Variants in IGLON5 observed in about 807,000 individuals in gnomAD.
IGLON5 encodes the protein IgLON family member 5.
In IGLON5, 16 loss-of-function variants were observed where a neutral mutation model predicts 38.2. The observed-to-expected ratio is 0.42, with a 90% CI of 0.28 to 0.64. The LOEUF (loss-of-function observed/expected upper bound fraction) is 0.64. Ranked by LOEUF, IGLON5 falls within the 30% of genes least tolerant of loss-of-function variation. The pLI is 0.23. For missense variants in IGLON5, 366 were observed against 483.4 expected, an observed-to-expected ratio of 0.76 and a Z score of 2.28; for synonymous variants, 207 against 216.4, an observed-to-expected ratio of 0.96 and a Z score of 0.38.
rs535358593 is a variant in IGLON5 at position 51,314,772 on chromosome 19, T to C, written c.79+2846T>C. 7.9e-5 allele frequency among the ~76,000 whole-genome samples: 12 copies of C among 152,332 alleles called. No homozygotes were observed. The East Asian group carries it at 2.1e-3, about 27-fold the overall frequency. On this transcript the variant is annotated intron_variant, in intron 1 of 7. Transcript: ENST00000270642. ...TTCTCTCTTCTTTTATTCATGATCT[T>C]GTCCAAGTTACAAGAGGAATACACT...
chr19:51,323,919 T>C (rs894468376), intron 3 of IGLON5, 25 bp downstream of exon 3: 1 of 1,548,936 alleles, frequency 6.5e-7, no homozygotes, highest in South Asian at 1.1e-5. Flanking sequence ...GGGGCCTGGC[T>C]GGGTGGAGGG....
chr19:51,324,718 A>G lies in IGLON5; in HGVS notation c.392-628A>G, dbSNP rs1035599196. Among the ~76,000 whole-genome samples, 1 of 151,848 alleles carries G rather than the reference A, an allele frequency of 6.6e-6. No homozygotes were observed. Among genetic ancestry groups the G allele is most frequent in the South Asian group, 2.1e-4 (1 of 4,826 alleles). ...TTATTTTATGCCCTACTAGAAAAGA[A>G]AAAACAAAAACACTGCCAGCGATAC... is the stretch of plus-strand genomic sequence containing the variant. On this transcript the variant is annotated intron_variant, in intron 3 of 7. Coordinates refer to ENST00000270642, the MANE Select transcript of IGLON5 (RefSeq NM_001101372.3). The surrounding 1 kb of genome is among the most constrained non-coding windows in gnomAD (Gnocchi z 4.2).
chr19:51,313,695 C>CTTTCTT lies in IGLON5; in HGVS notation c.79+1771_79+1772insTCTTTT, dbSNP rs57541204. On this transcript the variant is annotated intron_variant, in intron 1 of 7. Coordinates refer to ENST00000270642, the MANE Select transcript of IGLON5 (RefSeq NM_001101372.3). ...TCTTTCTTTCTTTCTTTCTTTCTTT[C>CTTTCTT]TTCTTTCTTCTCTTTTTTTCTTTCT... Among the ~76,000 whole-genome samples the CTTTCTT allele has an allele frequency of 3.3e-4, 17 of 51,226 alleles. 2 individuals are homozygous for CTTTCTT. Among genetic ancestry groups the CTTTCTT allele is most frequent in the African/African-American group, 8.7e-4 (17 of 19,622 alleles). The allele number at this position is 51,226 out of a possible 152,430, so 33.6% of individuals were successfully genotyped here.
At position 51,328,703 on chromosome 19, in the gene IGLON5, C is replaced by A. The variant is rs757324247; in HGVS notation, c.955C>A (p.Pro319Thr). 10 of 1,597,070 alleles carry A rather than the reference C, an allele frequency of 6.3e-6. No homozygotes were observed. The highest frequency in any genetic ancestry group is 5.1e-6 in the Non-Finnish European group (6 of 1,171,922). ...PGSLENSAPR[P>T]PGLLALLSAL... ...ATCCCTGGAGAACTCAGCCCCGAGG[C>A]CCCCAGGGCTCCTGGCCCTCCTCTC... Residue 319 changes from proline (P) to threonine (T), a missense_variant, in exon 8 of 8, where the codon CCC (proline) becomes ACC (threonine). Physicochemically the swap from Pro to Thr is conservative, Grantham distance 38. Coordinates refer to ENST00000270642, the MANE Select transcript of IGLON5 (RefSeq NM_001101372.3).
intron 1 of IGLON5, among the ~76,000 whole-genome samples, chr19:51,315,797 A>G (rs1030431829): frequency 4.9e-5 from 7 of 144,198 alleles, no homozygotes; most frequent in South Asian, 2.2e-4. Context: ...CTGGGTTCAC[A>G]CCATTCTCCT....
chr19:51,327,005 G>A lies in IGLON5; in HGVS notation c.647-75G>A, dbSNP rs575577050. The A allele has an allele frequency of 3.1e-6, 5 of 1,593,626 alleles. No individual in the cohort carries two copies. In the South Asian group the frequency reaches 5.6e-5, roughly 18 times the overall value. ...GGGGGCGAGACTTACGGGCCTGAGG[G>A]AGGCGGGGGCTGGGGGCGGGACCCC... On this transcript the variant is annotated intron_variant, in intron 5 of 7. Transcript: ENST00000270642. This position sits in a 1 kb window ranked among gnomAD's most constrained non-coding sequence, Gnocchi z 7.1.
intron 1 of IGLON5, among the ~76,000 whole-genome samples, chr19:51,318,546 T>C (rs1034590239): frequency 2.0e-5 from 3 of 151,468 alleles, no homozygotes; most frequent in Non-Finnish European, 1.5e-5. Context: ...GAAACCAGCC[T>C]GGGCAACATG....
chr19:51,314,652 CAGA>C (rs1401816380), intron 1 of IGLON5, among the ~76,000 whole-genome samples: 3 of 152,094 alleles, frequency 2.0e-5, no homozygotes, highest in Non-Finnish European at 4.4e-5. Flanking sequence ...GGGGTTGAGA[CAGA>C]ACGAGATGCC....
In IGLON5 at chr19:51,326,875, G is replaced by T. The variant is rs751474350; in HGVS notation, c.623G>T (p.Arg208Leu). 2.6e-6 allele frequency: 4 copies of T among 1,565,032 alleles called. No homozygotes were observed. Among genetic ancestry groups the T allele is most frequent in the Non-Finnish European group, 3.5e-6 (4 of 1,154,864 alleles). The change falls in exon 5 of 8, where the codon CGC (arginine) becomes CTC (leucine). Residue 208 changes from arginine to leucine, a missense_variant. By Grantham distance (102) the Arg-to-Leu change is moderately radical. Transcript: ENST00000270642. ...GGGGTTAACTCGGCGCCCGACAGCC[G>T]CCGCGTGCTGGTCACAGTCAACTGT... is the stretch of plus-strand genomic sequence containing the variant. ...HNGVNSAPDS[R>L]RVLVTVNYPP...
chr19:51,313,936 C>T (rs565700428), intron 1 of IGLON5, among the ~76,000 whole-genome samples: 1 of 151,900 alleles, frequency 6.6e-6, no homozygotes, highest in South Asian at 2.1e-4. Flanking sequence ...CTATATTGCC[C>T]AGACTAGTCT....
In IGLON5 at chr19:51,327,746, C is replaced by T. The variant is rs1242459614; in HGVS notation, c.782C>T (p.Thr261Met). ...ATCCCTGGCAGGCTGAGCAGCGGCA[C>T]GGCCGAAGGCCTGAAGGTGCAGACG... ...YKDDRLLSSG[T>M]AEGLKVQTER... The change falls in exon 7 of 8, where the codon ACG becomes ATG. Residue 261 changes from threonine to methionine, a missense_variant. By Grantham distance (81) the Thr-to-Met change is moderately conservative. Transcript: ENST00000270642. This position sits in a 1 kb window ranked among gnomAD's most constrained non-coding sequence, Gnocchi z 7.1. 6.3e-7 allele frequency: 1 copy of T among 1,575,358 alleles called. No individual in the cohort carries two copies. The highest frequency in any genetic ancestry group is 1.2e-5 in the South Asian group (1 of 85,890).
intron 2 of IGLON5, among the ~76,000 whole-genome samples, chr19:51,322,820 A>G (rs111212215): frequency 0.051 from 3,824 of 75,576 alleles, 166 homozygotes; most frequent in African/African-American, 0.17. Flanking sequence ...GGGTCTCTGT[A>G]CCCCTCTCTC....
chr19:51,323,957 G>A (rs142198802), intron 3 of IGLON5, 63 bp downstream of exon 3: 210 of 1,131,742 alleles, frequency 1.9e-4, no homozygotes, highest in African/African-American at 1.3e-3. Flanking sequence ...GACTAGGCAT[G>A]ATGACAGATA....
At chr19:51,322,174 TCATGGAGC>T in intron 2 of IGLON5, 32 bp downstream of exon 2, 1 of 1,546,008 alleles carries the variant, frequency 6.5e-7, no homozygotes, top group Non-Finnish European at 8.9e-7. Context: ...GACTCAGATC[TCATGGAGC>T]CATGCGGTCC....
intron 1 of IGLON5, among the ~76,000 whole-genome samples, chr19:51,316,064 AGCTGG>A (rs1219308828): frequency 6.7e-6 from 1 of 150,334 alleles, no homozygotes; most frequent in Non-Finnish European, 1.5e-5. Context: ...AGGAGGGTAA[AGCTGG>A]GCGCAGTGGC....
chr19:51,327,212 A>C lies in IGLON5; in HGVS notation c.767+12A>C. 1 of 1,603,772 alleles carries C rather than the reference A, an allele frequency of 6.2e-7. No individual in the cohort carries two copies. The highest frequency in any genetic ancestry group is 8.5e-7 in the Non-Finnish European group (1 of 1,173,974). On this transcript the variant is annotated intron_variant, in intron 6 of 7. Transcript: ENST00000270642. This position sits in a 1 kb window ranked among gnomAD's most constrained non-coding sequence, Gnocchi z 7.1. ...AAGGATGACAGACTGTGAGGACAGC[A>C]CTGAGGGGGCCGTGGGAGCGGGAAG...
chr19:51,328,259 T>G (rs1403595711), intron 7 of IGLON5, among the ~76,000 whole-genome samples: 1 of 150,706 alleles, frequency 6.6e-6, no homozygotes, highest in East Asian at 1.9e-4. Context: ...CCCAGCACTT[T>G]GGGAGGCCGA....
chr19:51,311,972 CTTGG>C (rs1232445123), intron 1 of IGLON5, 46 bp downstream of exon 1: 1 of 1,073,024 alleles, frequency 9.3e-7, no homozygotes, highest in Non-Finnish European at 1.2e-6. Flanking sequence ...ACGCCAGGGT[CTTGG>C]GTGGGTAATC....
At chr19:51,319,455 CG>C (rs1029640481) in intron 1 of IGLON5, among the ~76,000 whole-genome samples, 1 of 151,992 alleles carries the variant, frequency 6.6e-6, no homozygotes, top group African/African-American at 2.4e-5. Context: ...GCTTTGTGTG[CG>C]TCTGACCCAG....
Sources: allele counts gnomAD v4.1 joint callset (sites outside exome capture counted in the v4.1 genomes callset), GRCh38; gene constraint gnomAD v4.1.1; non-coding constraint Gnocchi (gnomAD v3.1); transcripts MANE v1.5; gene names NCBI Gene and HGNC (gene_info 2026-07-23, HGNC 2026-07-21).